The following SPECC1 variants were observed in gnomAD, a reference collection of about 807,000 sequenced individuals.
SPECC1 encodes sperm antigen with calponin homology and coiled-coil domains 1, also known as cytospin-B.
A neutral mutation model predicts 104.1 loss-of-function variants in SPECC1; 62 were observed. The observed-to-expected ratio is 0.60, with a 90% CI of 0.49 to 0.74. SPECC1 has a LOEUF of 0.74. Among genes scored for constraint, SPECC1 ranks in the 30% least tolerant of loss-of-function variants. SPECC1 has a pLI of 0.00. For missense variants in SPECC1, 1,306 were observed against 1,310.5 expected (o/e 1.00, Z 0.05); for synonymous variants, 513 against 501.6 (o/e 1.02, Z -0.30).
At chr17:20,240,642 T>C (rs2039161448) in intron 7 of SPECC1, among the ~76,000 whole-genome samples, 1 of 152,156 alleles carries the variant, frequency 6.6e-6, no homozygotes, top group Admixed American at 6.5e-5. Flanking sequence ...ATTACCAGAG[T>C]CATCCTTTGT....
intron 3 of SPECC1, among the ~76,000 whole-genome samples, chr17:20,163,743 T>C (rs1344853736): frequency 6.6e-6 from 1 of 152,144 alleles, no homozygotes; most frequent in African/African-American, 2.4e-5. Context: ...GTGTTTTTTA[T>C]AGAGACGGGG....
intron 3 of SPECC1, among the ~76,000 whole-genome samples, chr17:20,167,416 C>T (rs1006468606): frequency 6.6e-6 from 1 of 151,960 alleles, no homozygotes; most frequent in Non-Finnish European, 1.5e-5. Flanking sequence ...CAGTGGCTCA[C>T]GGCCTGTAAT....
At chr17:20,298,948 A>AGAGAGAGAGAGAGAGAGC in intron 13 of SPECC1, among the ~76,000 whole-genome samples, 1 of 49,070 alleles carries the variant, frequency 2.0e-5, no homozygotes, top group Non-Finnish European at 3.7e-5. Flanking sequence ...AGAGAGAGAG[A>AGAGAGAGAGAGAGAGAGC]GTGTGTGTGT....
At chr17:20,251,291 A>G (rs1289778343) in intron 9 of SPECC1, among the ~76,000 whole-genome samples, 2 of 148,454 alleles carry the variant, frequency 1.3e-5, no homozygotes, top group African/African-American at 4.9e-5. Flanking sequence ...GTCGATAAAG[A>G]TTAATATCTT....
chr17:20,014,490 G>T (rs2152426778), intron 1 of SPECC1, among the ~76,000 whole-genome samples: 1 of 152,148 alleles, frequency 6.6e-6, no homozygotes. Flanking sequence ...TGTTTTCAGG[G>T]ATTCTGTGAA....
intron 1 of SPECC1, among the ~76,000 whole-genome samples, chr17:20,057,005 G>A (rs2045989788): frequency 6.6e-6 from 1 of 152,092 alleles, no homozygotes; most frequent in Non-Finnish European, 1.5e-5. Context: ...CAGGAATGAT[G>A]ATGAGTGTTT....
At chr17:20,151,801 C>G (rs2032028030) in intron 3 of SPECC1, among the ~76,000 whole-genome samples, 1 of 152,192 alleles carries the variant, frequency 6.6e-6, no homozygotes, top group Non-Finnish European at 1.5e-5. Flanking sequence ...GTAATCCCAG[C>G]ACTTTGGGAG....
At position 20,205,089 on chromosome 17, in the gene SPECC1, G is replaced by A. The variant is rs369761683; in HGVS notation, c.1040G>A (p.Ser347Asn). Residue 347 changes from serine (S) to asparagine (N), a missense_variant, in exon 4 of 15, where the codon AGT becomes AAT. Ser to Asn is a conservative substitution (Grantham distance 46). Around this residue, in one of 2 missense-constraint regions of SPECC1, gnomAD observed 1,177 missense variants for 1,139.9 expected, o/e 1.03. Coordinates refer to ENST00000395527, the MANE Select transcript of SPECC1 (RefSeq NM_001243439.2). ...CCCTCAAGGCCCCTGTCCTCCACCA[G>A]TAACCCCTTTAAGAGTTCAAAGTGT... is the stretch of plus-strand genomic sequence containing the variant. ...ETPSRPLSST[S>N]NPFKSSKCST... The A allele has an allele frequency of 5.0e-6, 8 of 1,614,164 alleles. No homozygotes were observed. The highest frequency in any genetic ancestry group is 5.9e-6 in the Non-Finnish European group (7 of 1,180,022).
intron 3 of SPECC1, among the ~76,000 whole-genome samples, chr17:20,203,792 A>G (rs1438091290): frequency 6.6e-6 from 1 of 152,258 alleles, no homozygotes; most frequent in Non-Finnish European, 1.5e-5. Context: ...AACCCAGCTC[A>G]AGGTGACTTA....
intron 2 of SPECC1, among the ~76,000 whole-genome samples, chr17:20,108,056 G>T (rs951067194): frequency 2.4e-4 from 37 of 152,248 alleles, no homozygotes; most frequent in South Asian, 1.4e-3. Context: ...GCAATGGCGA[G>T]TTACTGTTTA....
chr17:20,013,379 T>C (rs1021884918), intron 1 of SPECC1, among the ~76,000 whole-genome samples: 1 of 152,240 alleles, frequency 6.6e-6, no homozygotes, highest in African/African-American at 2.4e-5. Context: ...TTCTCTCTCT[T>C]TTTTTGATAG....
chr17:20,193,701 A>C (rs2035820303), intron 3 of SPECC1, among the ~76,000 whole-genome samples: 1 of 152,220 alleles, frequency 6.6e-6, no homozygotes. Flanking sequence ...AAAAAGTATA[A>C]CAGCAATATA....
At chr17:20,091,687 G>T (rs1250837857) in intron 1 of SPECC1, among the ~76,000 whole-genome samples, 5 of 152,308 alleles carry the variant, frequency 3.3e-5, no homozygotes, top group Non-Finnish European at 7.4e-5. Context: ...TCTATTTCCT[G>T]CTGAGTCCCC....
chr17:20,299,980 A>G (rs2041514403), intron 13 of SPECC1, among the ~76,000 whole-genome samples: 1 of 152,226 alleles, frequency 6.6e-6, no homozygotes, highest in South Asian at 2.1e-4. Context: ...CAGGGCAACC[A>G]CCAACCACAC....
Position 20,253,580 on chromosome 17 carries a change from C to T in SPECC1, c.2674C>T (p.Leu892Phe). Residue 892 changes from leucine (L) to phenylalanine (F), a missense_variant, in exon 10 of 15, where the codon CTC becomes TTC. Transcript: ENST00000395527. The part of the protein sequence containing the change: ...TQRLDLPDLP[L>F]SDILKGRTET... ...ACGCTTGGACCTTCCTGACCTTCCCCTCTCAGGTAAATTATGTCAACATAA... is the reference window on the plus strand; with the variant it reads ...ACGCTTGGACCTTCCTGACCTTCCCTTCTCAGGTAAATTATGTCAACATAA... The T allele has an allele frequency of 6.2e-7, 1 of 1,613,982 alleles. No individual in the cohort carries two copies. Among genetic ancestry groups the T allele is most frequent in the Non-Finnish European group, 8.5e-7 (1 of 1,179,988 alleles).
chr17:20,288,279 A>G (rs2041028411), intron 12 of SPECC1, among the ~76,000 whole-genome samples: 1 of 152,192 alleles, frequency 6.6e-6, no homozygotes, highest in Admixed American at 6.5e-5. Context: ...TTTATAATAG[A>G]AGGATTTATA....
intron 7 of SPECC1, among the ~76,000 whole-genome samples, chr17:20,240,426 T>C (rs147331741): frequency 6.6e-6 from 1 of 152,264 alleles, no homozygotes; most frequent in East Asian, 1.9e-4. Context: ...ATCTTTATCA[T>C]AGAAAATTTT....
intron 1 of SPECC1, among the ~76,000 whole-genome samples, chr17:20,062,105 TAGCC>T (rs2046204997): frequency 6.6e-6 from 1 of 151,704 alleles, no homozygotes; most frequent in Non-Finnish European, 1.5e-5. Flanking sequence ...TACAAAAAAT[TAGCC>T]AGGCATGGCG....
At chr17:20,221,375 T>A (rs2037863385) in intron 4 of SPECC1, among the ~76,000 whole-genome samples, 1 of 152,234 alleles carries the variant, frequency 6.6e-6, no homozygotes, top group South Asian at 2.1e-4. Context: ...GATTTCTTCA[T>A]GATTCAATCT....
Sources: allele counts gnomAD v4.1 joint callset (sites outside exome capture counted in the v4.1 genomes callset), GRCh38; gene constraint gnomAD v4.1.1; regional missense constraint gnomAD v4.1.1; transcripts MANE v1.5; gene names NCBI Gene and HGNC (gene_info 2026-07-23, HGNC 2026-07-21).